Variants in DLG2 observed in about 807,000 individuals in gnomAD.
DLG2 encodes the protein disks large homolog 2.
A neutral mutation model predicts 132.5 loss-of-function variants in DLG2; 45 were observed. The observed-to-expected ratio is 0.34, with a 90% CI of 0.27 to 0.44. The LOEUF (loss-of-function observed/expected upper bound fraction) is 0.44, where lower values mean the gene tolerates loss of function less well. Ranked by LOEUF, DLG2 falls within the 20% of genes least tolerant of loss-of-function variation. DLG2 has a pLI of 1.00. For synonymous variants in DLG2, 424 were observed against 419.6 expected, an observed-to-expected ratio of 1.01 and a Z score of -0.13; for missense variants, 1,045 against 1,196.9, an observed-to-expected ratio of 0.87 and a Z score of 1.87.
In DLG2 at chr11:84,666,085, C is replaced by A. The variant is rs1335220799; in HGVS notation, c.358-131354G>T. Reference sequence around the variant, plus strand: ...AACACATAGGTCTCCAAATCCATTTCTTCCCTTTCACATTTATTTGCTGCT... The same window carrying A: ...AACACATAGGTCTCCAAATCCATTTATTCCCTTTCACATTTATTTGCTGCT... On this transcript the variant is annotated intron_variant, in intron 6 of 27. Transcript: ENST00000376104. Among the ~76,000 whole-genome samples the A allele has an allele frequency of 5.3e-5, 8 of 152,300 alleles. No individual in the cohort carries two copies. In the South Asian group the frequency reaches 1.0e-3, roughly 20 times the overall value.
rs965622609 is a variant in DLG2, at chr11:84,629,563, A to G, written c.358-94832T>C. Among the ~76,000 whole-genome samples, 11 of 152,208 alleles carry G rather than the reference A, an allele frequency of 7.2e-5. 1 individual carries two copies. The highest frequency in any genetic ancestry group is 1.5e-4 in the Non-Finnish European group (10 of 68,034). ...TTCTGCTCTTCATGTGAAAACTTTG[A>G]AGAGTTCAAGTTCTTCCTTAGGTTA... On this transcript the variant is annotated intron_variant, in intron 6 of 27. Transcript: ENST00000376104.
At chr11:84,575,555 G>C (rs2099497567) in intron 6 of DLG2, among the ~76,000 whole-genome samples, 1 of 152,034 alleles carries the variant, frequency 6.6e-6, no homozygotes, top group African/African-American at 2.4e-5. Context: ...AGAAAATTTT[G>C]TGTGTACATA....
chr11:84,822,956 A>G (rs533895093), intron 6 of DLG2, among the ~76,000 whole-genome samples: 5 of 152,044 alleles, frequency 3.3e-5, no homozygotes, highest in African/African-American at 9.6e-5. Flanking sequence ...TAATATATTT[A>G]AAAGTAGTTT....
chr11:84,357,495 G>A (rs1166363159), intron 7 of DLG2, among the ~76,000 whole-genome samples: 1 of 151,902 alleles, frequency 6.6e-6, no homozygotes, highest in Non-Finnish European at 1.5e-5. Context: ...ATTTTACATG[G>A]TTGGGTGATT....
chr11:84,604,260 A>C (rs2099581573), intron 6 of DLG2, among the ~76,000 whole-genome samples: 2 of 151,956 alleles, frequency 1.3e-5, no homozygotes, highest in Non-Finnish European at 2.9e-5. Flanking sequence ...AGCTCAGTTA[A>C]TTTTCCAGAA....
At chr11:85,001,506 C>G (rs1347352091) in intron 6 of DLG2, among the ~76,000 whole-genome samples, 1 of 152,106 alleles carries the variant, frequency 6.6e-6, no homozygotes, top group Non-Finnish European at 1.5e-5. Flanking sequence ...TGGATGTCAT[C>G]AGAGAGTATG....
At chr11:84,164,849 T>C (rs2095626165) in intron 8 of DLG2, among the ~76,000 whole-genome samples, 1 of 152,256 alleles carries the variant, frequency 6.6e-6, no homozygotes, top group Admixed American at 6.5e-5. Context: ...CACAATTTAC[T>C]GTTTTACTAC....
intron 17 of DLG2, among the ~76,000 whole-genome samples, chr11:83,824,518 AAG>A (rs2051901001): frequency 6.6e-6 from 1 of 152,170 alleles, no homozygotes; most frequent in African/African-American, 2.4e-5. Context: ...AAATACTTGC[AAG>A]AGGTTTTCTG....
intron 6 of DLG2, among the ~76,000 whole-genome samples, chr11:84,910,659 T>G (rs2091967513): frequency 6.6e-6 from 1 of 152,098 alleles, no homozygotes; most frequent in Admixed American, 6.5e-5. Context: ...ACGCCTATAA[T>G]CCCAGCTGTC....
chr11:83,615,621 T>A (rs1415027639), intron 19 of DLG2, among the ~76,000 whole-genome samples: 1 of 152,214 alleles, frequency 6.6e-6, no homozygotes. Flanking sequence ...ATCACATCAA[T>A]CCTTAAAAGC....
intron 8 of DLG2, among the ~76,000 whole-genome samples, chr11:84,223,142 T>G (rs2096939212): frequency 6.6e-6 from 1 of 152,176 alleles, no homozygotes; most frequent in Non-Finnish European, 1.5e-5. Context: ...GATTCAATAC[T>G]GAGATGGGAT....
At chr11:85,058,061 G>A (rs1832295980) in intron 6 of DLG2, among the ~76,000 whole-genome samples, 1 of 151,108 alleles carries the variant, frequency 6.6e-6, no homozygotes, top group African/African-American at 2.4e-5. Context: ...GGAGATTTTA[G>A]CCAGGAAAAT....
intron 15 of DLG2, among the ~76,000 whole-genome samples, chr11:83,896,562 A>G (rs2154093806): frequency 6.6e-6 from 1 of 152,386 alleles, no homozygotes; most frequent in East Asian, 1.9e-4. Flanking sequence ...GTAAACAGGC[A>G]CAAGTCTGAC....
intron 7 of DLG2, among the ~76,000 whole-genome samples, chr11:84,292,817 G>T (rs1400988395): frequency 2.0e-5 from 3 of 152,092 alleles, no homozygotes; most frequent in Admixed American, 6.6e-5. Context: ...AGGCAGGGGG[G>T]TCCAATCCTT....
At chr11:84,272,537 T>C (rs527606131) in intron 7 of DLG2, among the ~76,000 whole-genome samples, 1 of 152,324 alleles carries the variant, frequency 6.6e-6, no homozygotes, top group East Asian at 1.9e-4. Flanking sequence ...ATTCCTCTGG[T>C]TAAATAAATT....
chr11:84,592,700 G>A (rs1164956141), intron 6 of DLG2, among the ~76,000 whole-genome samples: 3 of 151,376 alleles, frequency 2.0e-5, no homozygotes, highest in Non-Finnish European at 2.9e-5. Flanking sequence ...TTATGTGGCC[G>A]ACAAACATGA....
At chr11:85,507,965 A>G (rs2093972805) in intron 3 of DLG2, among the ~76,000 whole-genome samples, 1 of 152,042 alleles carries the variant, frequency 6.6e-6, no homozygotes, top group Non-Finnish European at 1.5e-5. Flanking sequence ...TTGATCTTCA[A>G]TCACTTATAC....
At chr11:85,392,145 G>A (rs188426343) in intron 3 of DLG2, among the ~76,000 whole-genome samples, 12 of 151,896 alleles carry the variant, frequency 7.9e-5, no homozygotes, top group Admixed American at 2.6e-4. Flanking sequence ...CACCAACAGC[G>A]ACCAAGTTGA....
intron 11 of DLG2, among the ~76,000 whole-genome samples, chr11:83,986,178 T>G (rs1019831503): frequency 2.3e-4 from 35 of 151,776 alleles, no homozygotes; most frequent in African/African-American, 8.0e-4. Flanking sequence ...CATTTAGCAT[T>G]AGGTATATCT....
Sources: allele counts gnomAD v4.1 joint callset (sites outside exome capture counted in the v4.1 genomes callset), GRCh38; gene constraint gnomAD v4.1.1; transcripts MANE v1.5; gene names NCBI Gene and HGNC (gene_info 2026-07-23, HGNC 2026-07-21).